Variants in HNRNPLL observed in about 807,000 individuals in gnomAD.
HNRNPLL encodes the protein heterogeneous nuclear ribonucleoprotein L like.
A neutral mutation model predicts 67.1 loss-of-function variants in HNRNPLL; 25 were observed. That is an observed-to-expected ratio of 0.37 (90% confidence interval 0.27 to 0.52). The LOEUF (loss-of-function observed/expected upper bound fraction) is 0.52. HNRNPLL is among the 20% of genes least tolerant of loss of function. The pLI is 0.90. For missense variants in HNRNPLL, 542 were observed against 673.9 expected (o/e 0.80, Z 2.17); for synonymous variants, 267 against 241.7 (o/e 1.10, Z -0.97).
At chr2:38,602,304 GAA>G (rs1023953168) in intron 1 of HNRNPLL, 132 bp downstream of exon 1, 23 of 797,058 alleles carry the variant, frequency 2.9e-5, no homozygotes, top group African/African-American at 5.4e-5. Context: ...GCCCCAAAGA[GAA>G]GAGTGGGCGC....
At chr2:38,565,723 G>C (rs1424163038) in intron 12 of HNRNPLL, among the ~76,000 whole-genome samples, 1 of 68,662 alleles carries the variant, frequency 1.5e-5, no homozygotes, top group Non-Finnish European at 2.4e-5. Context: ...GCAAGACCCT[G>C]TCTCAAAAAA....
In HNRNPLL at chr2:38,585,891, G is replaced by T; in HGVS notation, c.309-10C>A. ...CATCATCATCACATAGCTGAAAAGG[G>T]AGAAAAGGAGGAAACACACAAACAC... is the stretch of plus-strand genomic sequence containing the variant. On this transcript the variant is annotated splice_polypyrimidine_tract_variant and intron_variant, in intron 2 of 12. Transcript: ENST00000449105. 1 of 1,498,062 alleles carries T rather than the reference G, an allele frequency of 6.7e-7. No individual in the cohort carries two copies. 92.8% of individuals were successfully genotyped at this position (1,498,062 alleles called of 1,614,324 possible). A position where few individuals can be genotyped will look rare whatever the true frequency, so the allele number is the denominator to read the frequency against.
At chr2:38,569,633 T>G (rs775204991) in intron 9 of HNRNPLL, among the ~76,000 whole-genome samples, 171 bp downstream of exon 9, 1 of 152,124 alleles carries the variant, frequency 6.6e-6, no homozygotes, top group Non-Finnish European at 1.5e-5. Context: ...CTAAGCAAAA[T>G]CTGAGTGATA....
At chr2:38,579,500 G>A (rs1666436105) in intron 6 of HNRNPLL, among the ~76,000 whole-genome samples, 1 of 152,020 alleles carries the variant, frequency 6.6e-6, no homozygotes, top group Non-Finnish European at 1.5e-5. Flanking sequence ...TAAAACAGAA[G>A]TGAGCAGAAA....
At position 38,569,849 on chromosome 2, in the gene HNRNPLL, G is replaced by T; in HGVS notation, c.1169C>A (p.Thr390Lys). ...AAATAATTTGACATTATTAAGGTGT[G>T]TGACAGCTCTTTCTACAGCATACTC... ...GDEYAVERAVTHLNNVKLFGK... is the reference protein window; with the variant it reads ...GDEYAVERAVKHLNNVKLFGK... The change falls in exon 9 of 13, where the codon ACA becomes AAA. Residue 390 changes from threonine (T) to lysine (K), a missense_variant. This residue lies in a region of HNRNPLL where 415 missense variants were observed against 575.2 expected (regional missense o/e 0.72). Coordinates refer to ENST00000449105, the MANE Select transcript of HNRNPLL (RefSeq NM_138394.4). The T allele has an allele frequency of 6.6e-7, 1 of 1,522,210 alleles. No individual in the cohort carries two copies. 94.3% of individuals were successfully genotyped at this position (1,522,210 alleles called of 1,614,324 possible).
At chr2:38,578,565 C>G (rs941444665) in intron 6 of HNRNPLL, among the ~76,000 whole-genome samples, 17 of 151,980 alleles carry the variant, frequency 1.1e-4, no homozygotes, top group African/African-American at 4.1e-4. Context: ...ATTTTCACTT[C>G]AGTCTAGAGA....
intron 7 of HNRNPLL, 52 bp from the exon 8 acceptor site, chr2:38,573,479 T>C (rs757305650): frequency 1.7e-6 from 2 of 1,177,970 alleles, no homozygotes; most frequent in Non-Finnish European, 1.2e-6. Flanking sequence ...ACATAGTTGT[T>C]TGTAAATACT....
At chr2:38,591,351 G>T (rs1237424020) in intron 2 of HNRNPLL, among the ~76,000 whole-genome samples, 179 bp downstream of exon 2, 1 of 152,146 alleles carries the variant, frequency 6.6e-6, no homozygotes, top group Non-Finnish European at 1.5e-5. Flanking sequence ...CACCCAGGAA[G>T]GTTAAAAATA....
chr2:38,571,037 C>T (rs1216476750), intron 8 of HNRNPLL, among the ~76,000 whole-genome samples: 2 of 151,942 alleles, frequency 1.3e-5, no homozygotes, highest in African/African-American at 4.8e-5. Flanking sequence ...AGAACAAGAC[C>T]TTGTCTCAAA....
intron 1 of HNRNPLL, among the ~76,000 whole-genome samples, chr2:38,594,906 T>C (rs1667110725): frequency 6.6e-6 from 1 of 152,146 alleles, no homozygotes; most frequent in African/African-American, 2.4e-5. Context: ...ATCACATCAT[T>C]GTACTCCAGC....
chr2:38,602,216 C>A (rs1667469720), intron 1 of HNRNPLL: 6 of 525,698 alleles, frequency 1.1e-5, no homozygotes, highest in Non-Finnish European at 2.0e-5. Flanking sequence ...CGGCAGTGGA[C>A]TCGCTGCGGG....
intron 1 of HNRNPLL, among the ~76,000 whole-genome samples, chr2:38,593,277 T>C (rs1667032189): frequency 6.6e-6 from 1 of 152,224 alleles, no homozygotes; most frequent in South Asian, 2.1e-4. Flanking sequence ...TAGATGAAAT[T>C]CAACAAGCAA....
chr2:38,570,421 C>T (rs1666029680), intron 8 of HNRNPLL, among the ~76,000 whole-genome samples: 2 of 152,022 alleles, frequency 1.3e-5, no homozygotes, highest in African/African-American at 2.4e-5. Flanking sequence ...ATAGTAAGTA[C>T]AAACTATGTA....
chr2:38,584,682 T>C (rs1573742529), intron 3 of HNRNPLL, among the ~76,000 whole-genome samples: 1 of 152,086 alleles, frequency 6.6e-6, no homozygotes, highest in African/African-American at 2.4e-5. Flanking sequence ...CAAGGGACAA[T>C]GGCCATAAAG....
Position 38,602,788 on chromosome 2 carries a change from G to C in HNRNPLL, c.-162C>G. The C allele has an allele frequency of 1.3e-6, 2 of 1,534,650 alleles. No individual in the cohort carries two copies. Among genetic ancestry groups the C allele is most frequent in the Non-Finnish European group, 8.8e-7 (1 of 1,140,318 alleles). On this transcript the variant is annotated 5_prime_UTR_variant, in exon 1 of 13. Coordinates refer to ENST00000449105, the MANE Select transcript of HNRNPLL (RefSeq NM_138394.4). The stretch of plus-strand genomic sequence containing the variant: ...CTGCGCGGCCAGGAGACTGGCGGCT[G>C]AGAAGCGCGGACGGACTGAGGGGGG...
rs747866161 is a variant in HNRNPLL, at chr2:38,577,517, C to T, written c.818G>A (p.Arg273His). Residue 273 changes from arginine to histidine, a missense_variant, in exon 7 of 13, where the codon CGC (arginine) becomes CAC (histidine). Coordinates refer to ENST00000449105, the MANE Select transcript of HNRNPLL (RefSeq NM_138394.4). The part of the protein sequence containing the change: ...YLGRRDRGKG[R>H]QRQAILGEHP... Reference sequence around the variant, plus strand: ...TTCTCCCAAAATGGCTTGTCTCTGGCGACCCTTTCCTCTATCTGACACAAA... The same window carrying T: ...TTCTCCCAAAATGGCTTGTCTCTGGTGACCCTTTCCTCTATCTGACACAAA... 1.9e-6 allele frequency: 3 copies of T among 1,607,616 alleles called. No homozygotes were observed. Among genetic ancestry groups the T allele is most frequent in the East Asian group, 4.5e-5 (2 of 44,808 alleles).
At chr2:38,565,976 TTC>T (rs1491378823) in intron 12 of HNRNPLL, 3 of 920,890 alleles carry the variant, frequency 3.3e-6, no homozygotes, top group Non-Finnish European at 3.9e-6. Flanking sequence ...TTGTTTTTTT[TTC>T]TCTTTTTTAA....
In HNRNPLL at chr2:38,585,715, T is replaced by C; in HGVS notation, c.475A>G (p.Thr159Ala). 1 of 1,613,926 alleles carries C rather than the reference T, an allele frequency of 6.2e-7. No homozygotes were observed. The highest frequency in any genetic ancestry group is 8.5e-7 in the Non-Finnish European group (1 of 1,179,812). Residue 159 changes from threonine (T) to alanine (A), a missense_variant, in exon 3 of 13, where the codon ACT (threonine) becomes GCT (alanine). By Grantham distance (58) the Thr-to-Ala change is moderately conservative (BLOSUM62 0). This residue lies in a region of HNRNPLL where 415 missense variants were observed against 575.2 expected (regional missense o/e 0.72). Coordinates refer to ENST00000449105, the MANE Select transcript of HNRNPLL (RefSeq NM_138394.4). Reference protein sequence around the residue: ...TSKRITRPGNTDDPSGGNKVL... With the variant: ...TSKRITRPGNADDPSGGNKVL... ...TTGTTGCCTCCTGATGGATCATCAG[T>C]ATTTCCTGGCCGAGTGATCCTTTTG...
chr2:38,602,846 C>T lies in HNRNPLL; in HGVS notation c.-220G>A. ...GGAGGAAGCTCTGGAGCGGCCGCTCCTCTCAATTACCGAGCCAACATTCAG... is the reference window on the plus strand; with the variant it reads ...GGAGGAAGCTCTGGAGCGGCCGCTCTTCTCAATTACCGAGCCAACATTCAG... On this transcript the variant is annotated 5_prime_UTR_variant, in exon 1 of 13. Transcript: ENST00000449105. The T allele has an allele frequency of 6.5e-7, 1 of 1,549,112 alleles. No homozygotes were observed. Among genetic ancestry groups the T allele is most frequent in the Non-Finnish European group, 8.7e-7 (1 of 1,146,268 alleles).
Sources: gnomAD v4.1 joint callset for allele counts (sites outside exome capture counted in the v4.1 genomes callset) on GRCh38, gnomAD v4.1.1 for gene constraint, gnomAD v4.1.1 regional missense constraint, MANE v1.5 for transcripts, NCBI Gene and HGNC (gene_info 2026-07-23, HGNC 2026-07-21) for gene names.